The following ARID5B variants were observed in gnomAD, a reference collection of about 807,000 sequenced individuals.
The protein encoded by ARID5B is AT-rich interaction domain 5B.
A neutral mutation model predicts 97.2 loss-of-function variants in ARID5B; 13 were observed. That is an observed-to-expected ratio of 0.13 (90% CI 0.09 to 0.21). The LOEUF (loss-of-function observed/expected upper bound fraction) is 0.21. ARID5B is among the 10% of genes least tolerant of loss of function. The pLI, the probability that ARID5B is intolerant of heterozygous loss-of-function variation, is 1.00. For missense variants in ARID5B, 1,210 were observed against 1,465.3 expected (o/e 0.83, Z 2.84); for synonymous variants, 556 against 570.3 (o/e 0.97, Z 0.36).
chr10:61,908,578 C>T (rs1843742752), intron 2 of ARID5B, among the ~76,000 whole-genome samples: 4 of 152,026 alleles, frequency 2.6e-5, no homozygotes, highest in African/African-American at 9.7e-5. Flanking sequence ...GAGGCCGAGG[C>T]AGGCAGATCA....
chr10:62,091,458 C>T lies in ARID5B; in HGVS notation c.1995C>T (p.Pro665=), dbSNP rs752613358. 1.2e-6 allele frequency: 2 copies of T among 1,611,394 alleles called. No homozygotes were observed. Among genetic ancestry groups the T allele is most frequent in the African/African-American group, 2.7e-5 (2 of 74,854 alleles). ...DMFKDKDLTG[P]MNENHGLNYT... ...TCAAAGACAAAGACCTGACTGGGCCCATGAACGAGAACCATGGACTTAATT... is the reference window on the plus strand; with the variant it reads ...TCAAAGACAAAGACCTGACTGGGCCTATGAACGAGAACCATGGACTTAATT... The change falls in exon 10 of 10, where the codon CCC becomes CCT. Residue 665 remains proline, a synonymous_variant. Coordinates refer to ENST00000279873, the MANE Select transcript of ARID5B (RefSeq NM_032199.3).
chr10:61,940,946 TATATATATATATATATATA>T (rs1346634291), intron 3 of ARID5B, among the ~76,000 whole-genome samples: 23 of 11,126 alleles, frequency 2.1e-3, no homozygotes, highest in Non-Finnish European at 4.0e-3. Flanking sequence ...TATATATATA[TATATATATATATATATATA>T]TTTTTTTTTT....
chr10:61,999,610 T>C (rs1336726687), intron 3 of ARID5B, among the ~76,000 whole-genome samples: 2 of 152,198 alleles, frequency 1.3e-5, no homozygotes, highest in African/African-American at 2.4e-5. Flanking sequence ...ATTCAAAGTA[T>C]GCTTTCTACT....
At chr10:62,044,225 G>T (rs558982288) in intron 4 of ARID5B, among the ~76,000 whole-genome samples, 17 of 152,128 alleles carry the variant, frequency 1.1e-4, no homozygotes, top group African/African-American at 3.9e-4. Flanking sequence ...TCTTTATATC[G>T]CATGATATCC....
At chr10:62,024,406 A>G (rs1005753773) in intron 4 of ARID5B, among the ~76,000 whole-genome samples, 10 of 152,308 alleles carry the variant, frequency 6.6e-5, no homozygotes, top group African/African-American at 2.4e-4. Flanking sequence ...TGGTAACACA[A>G]CCACTCCTTT....
intron 4 of ARID5B, among the ~76,000 whole-genome samples, chr10:62,001,091 C>T (rs1030982574): frequency 2.0e-5 from 3 of 152,138 alleles, no homozygotes; most frequent in African/African-American, 4.8e-5. Flanking sequence ...CAGTAGATGG[C>T]GAGATGCAAG....
intron 2 of ARID5B, among the ~76,000 whole-genome samples, chr10:61,912,394 T>A (rs896903423): frequency 3.3e-5 from 5 of 152,152 alleles, no homozygotes; most frequent in African/African-American, 1.2e-4. Flanking sequence ...ATTGTATACT[T>A]GAAAATTGCT....
chr10:61,948,915 T>C (rs1404677512), intron 3 of ARID5B, among the ~76,000 whole-genome samples: 1 of 152,242 alleles, frequency 6.6e-6, no homozygotes, highest in Admixed American at 6.5e-5. Flanking sequence ...GGGAAAATAT[T>C]CTGCCACTAC....
chr10:61,997,290 T>A (rs555361753), intron 3 of ARID5B, among the ~76,000 whole-genome samples: 20 of 149,850 alleles, frequency 1.3e-4, no homozygotes, highest in African/African-American at 4.4e-4. Flanking sequence ...AAAAAAGAGG[T>A]CATTTCTAGG....
At chr10:61,938,171 T>C (rs962005753) in intron 2 of ARID5B, among the ~76,000 whole-genome samples, 3 of 152,212 alleles carry the variant, frequency 2.0e-5, no homozygotes, top group African/African-American at 7.2e-5. Context: ...AATGACATCA[T>C]AAGGATAGTA....
At chr10:62,056,952 A>G (rs1181256988) in intron 5 of ARID5B, among the ~76,000 whole-genome samples, 165 bp from the exon 6 acceptor site, 1 of 152,188 alleles carries the variant, frequency 6.6e-6, no homozygotes, top group Non-Finnish European at 1.5e-5. Flanking sequence ...GCCTCAGACA[A>G]TTCATCTTCA....
chr10:62,051,067 T>C, intron 5 of ARID5B, 67 bp downstream of exon 5: 1 of 1,309,302 alleles, frequency 7.6e-7, no homozygotes, highest in Non-Finnish European at 1.1e-6. Flanking sequence ...TCTCTTTATC[T>C]CTCTGTGCCT....
intron 2 of ARID5B, among the ~76,000 whole-genome samples, chr10:61,903,291 C>T (rs1378859011): frequency 6.6e-6 from 1 of 151,864 alleles, no homozygotes; most frequent in African/African-American, 2.4e-5. Flanking sequence ...AGAGCCTCCC[C>T]GGCACGTTTC....
chr10:62,016,804 T>A (rs1319137015), intron 4 of ARID5B, among the ~76,000 whole-genome samples: 1 of 152,204 alleles, frequency 6.6e-6, no homozygotes, highest in Non-Finnish European at 1.5e-5. Flanking sequence ...GGTGTTTCAG[T>A]ACAGTGGGTT....
At chr10:61,981,446 T>A (rs1005045320) in intron 3 of ARID5B, among the ~76,000 whole-genome samples, 3 of 152,016 alleles carry the variant, frequency 2.0e-5, no homozygotes, top group Non-Finnish European at 4.4e-5. Flanking sequence ...CACACCCAAT[T>A]AATTTTTATA....
At position 62,012,247 on chromosome 10, in the gene ARID5B, G is replaced by A. The variant is rs539107902; in HGVS notation, c.733+11926G>A. On this transcript the variant is annotated intron_variant, in intron 4 of 9. Coordinates refer to ENST00000279873, the MANE Select transcript of ARID5B (RefSeq NM_032199.3). ...ATCACTTCACAGGGGAGGAAAGAGC[G>A]GCTAAGAAAAGTTAAGTAACCTCAG... 1.7e-3 allele frequency among the ~76,000 whole-genome samples: 261 copies of A among 152,204 alleles called. 9 individuals carry two copies. The South Asian group carries it at 0.051, about 30-fold the overall frequency.
rs1839986186 is a variant in ARID5B at position 62,066,166 on chromosome 10, GA to G, written c.1102-3532del. ...GGCACAATTAAAGCATGTTAATACA[GA>G]AGGCGGATTTACATGAAGCCGGGAG... On this transcript the variant is annotated intron_variant, in intron 7 of 9. Transcript: ENST00000279873. Among the ~76,000 whole-genome samples the G allele has an allele frequency of 2.0e-5, 3 of 152,210 alleles. No individual in the cohort carries two copies. In the South Asian group the frequency reaches 6.2e-4, roughly 32 times the overall value.
At chr10:61,925,172 T>A (rs1212541302) in intron 2 of ARID5B, among the ~76,000 whole-genome samples, 1 of 152,002 alleles carries the variant, frequency 6.6e-6, no homozygotes, top group East Asian at 1.9e-4. Context: ...ACCACTGCAC[T>A]CTAGCCTGGG....
chr10:61,998,851 G>A (rs1393199754), intron 3 of ARID5B, among the ~76,000 whole-genome samples: 1 of 152,118 alleles, frequency 6.6e-6, no homozygotes, highest in African/African-American at 2.4e-5. Flanking sequence ...AATAACAAAT[G>A]ACCCCCAAAT....
Sources: allele counts gnomAD v4.1 joint callset (sites outside exome capture counted in the v4.1 genomes callset), GRCh38; gene constraint gnomAD v4.1.1; transcripts MANE v1.5; gene names NCBI Gene and HGNC (gene_info 2026-07-23, HGNC 2026-07-21).